The following MYCL variants were observed in gnomAD, a reference collection of about 807,000 sequenced individuals.
MYCL encodes MYCL proto-oncogene, bHLH transcription factor, also known as protein L-Myc.
In MYCL, 11 loss-of-function variants were observed where a neutral mutation model predicts 31.0. That is an observed-to-expected ratio of 0.35 (90% CI 0.22 to 0.59). The LOEUF (loss-of-function observed/expected upper bound fraction) is 0.59. MYCL is among the 20% of genes least tolerant of loss of function. The probability of loss-of-function intolerance (pLI) is 0.79; values close to 1 mark genes in which losing one functional copy is unlikely to be tolerated. For missense variants in MYCL, 427 were observed against 486.1 expected (o/e 0.88, Z 1.14); for synonymous variants, 208 against 202.4 (o/e 1.03, Z -0.23).
At chr1:39,898,639 G>A (rs1052631183) in intron 1 of MYCL, 8 of 984,958 alleles carry the variant, frequency 8.1e-6, no homozygotes, top group Non-Finnish European at 9.6e-6. Flanking sequence ...TTTATAGGTC[G>A]CCTGCCCCAC....
At chr1:39,898,725 C>G in intron 1 of MYCL, 1 of 985,456 alleles carries the variant, frequency 1.0e-6, no homozygotes, top group Non-Finnish European at 1.2e-6. Context: ...AAGGTACAAG[C>G]GACCATTTCC....
chr1:39,897,295 A>G lies in MYCL; in HGVS notation c.*77T>C. On this transcript the variant is annotated 3_prime_UTR_variant, in exon 2 of 2. Coordinates refer to ENST00000372816, the MANE Select transcript of MYCL (RefSeq NM_001033081.3). The surrounding 1 kb of genome is among the most constrained non-coding windows in gnomAD (Gnocchi z 4.3). Reference sequence around the variant, plus strand: ...TGTCCCACCATAACCAAAATGTGCAAATTACTAAAGGGGAGAGGGAGGTTA... The same window carrying G: ...TGTCCCACCATAACCAAAATGTGCAGATTACTAAAGGGGAGAGGGAGGTTA... 1 of 1,364,914 alleles carries G rather than the reference A, an allele frequency of 7.3e-7. No individual in the cohort carries two copies. Among genetic ancestry groups the G allele is most frequent in the Non-Finnish European group, 1.0e-6 (1 of 1,000,200 alleles). 84.6% of individuals were successfully genotyped at this position (1,364,914 alleles called of 1,614,324 possible).
intron 1 of MYCL, chr1:39,899,199 G>A (rs1335065341): frequency 1.4e-5 from 7 of 502,304 alleles, no homozygotes; most frequent in Non-Finnish European, 1.5e-5. Context: ...CCCACCCCCC[G>A]CCTCATTGTT....
chr1:39,895,490 G>T lies in MYCL; in HGVS notation c.*1882C>A, dbSNP rs1200611451. 4.4e-6 allele frequency: 1 copy of T among 226,638 alleles called. No individual in the cohort carries two copies. The highest frequency in any genetic ancestry group is 8.8e-6 in the Non-Finnish European group (1 of 113,952). 14.0% of individuals were successfully genotyped at this position (226,638 alleles called of 1,614,324 possible). ...GCAACATTTTAAAATCAGGCAATCA[G>T]TAATCACAACTAAATACAAAATTTC... On this transcript the variant is annotated 3_prime_UTR_variant, in exon 2 of 2. Coordinates refer to ENST00000372816, the MANE Select transcript of MYCL (RefSeq NM_001033081.3).
chr1:39,900,926 G>C lies in MYCL; in HGVS notation c.496+13C>G. 1 of 1,507,388 alleles carries C rather than the reference G, an allele frequency of 6.6e-7. No individual in the cohort carries two copies. The highest frequency in any genetic ancestry group is 8.9e-7 in the Non-Finnish European group (1 of 1,129,522). 93.4% of individuals were successfully genotyped at this position (1,507,388 alleles called of 1,614,324 possible). On this transcript the variant is annotated intron_variant, in intron 1 of 1. Transcript: ENST00000372816. ...GGGTGGCCCCCTCTTGGATGGCTCG[G>C]GGAGGTCCTTACCCGAGTCGCTTGG...
intron 1 of MYCL, 128 bp from the exon 2 acceptor site, chr1:39,898,098 C>G (rs1184653675): frequency 7.4e-7 from 1 of 1,353,502 alleles, no homozygotes; most frequent in Non-Finnish European, 9.7e-7. Flanking sequence ...TAGATATATA[C>G]AAATCGAGGT....
chr1:39,897,327 A>T lies in MYCL; in HGVS notation c.*45T>A, dbSNP rs1214613863. On this transcript the variant is annotated 3_prime_UTR_variant, in exon 2 of 2. Coordinates refer to ENST00000372816, the MANE Select transcript of MYCL (RefSeq NM_001033081.3). This position sits in a 1 kb window ranked among gnomAD's most constrained non-coding sequence, Gnocchi z 4.3. ...AAAGGGGAGAGGGAGGTTAAAAAATAAACTTGTGTCTTCGTAAGACAGAAC... is the reference window on the plus strand; with the variant it reads ...AAAGGGGAGAGGGAGGTTAAAAAATTAACTTGTGTCTTCGTAAGACAGAAC... 1 of 1,514,548 alleles carries T rather than the reference A, an allele frequency of 6.6e-7. No individual in the cohort carries two copies. Among genetic ancestry groups the T allele is most frequent in the African/African-American group, 1.4e-5 (1 of 71,814 alleles). 93.8% of individuals were successfully genotyped at this position (1,514,548 alleles called of 1,614,324 possible).
At position 39,901,683 on chromosome 1, in the gene MYCL, C is replaced by A. The variant is rs1644542127; in HGVS notation, c.-249G>T. Reference sequence around the variant, plus strand: ...GAGTTCAAAGCAAACTTTGCCAGCGCCGCCCGGAGCGCAGCTCCCAGGGCC... The same window carrying A: ...GAGTTCAAAGCAAACTTTGCCAGCGACGCCCGGAGCGCAGCTCCCAGGGCC... On this transcript the variant is annotated 5_prime_UTR_variant, in exon 1 of 2. Transcript: ENST00000372816. The surrounding 1 kb of genome is among the most constrained non-coding windows in gnomAD (Gnocchi z 6.9). The A allele has an allele frequency of 1.6e-6, 2 of 1,268,726 alleles. No homozygotes were observed. The highest frequency in any genetic ancestry group is 3.1e-5 in the African/African-American group (2 of 63,770). The allele number at this position is 1,268,726 out of a possible 1,614,324, so 78.6% of individuals were successfully genotyped here. A position where few individuals can be genotyped will look rare whatever the true frequency, so the allele number is the denominator to read the frequency against.
intron 1 of MYCL, chr1:39,898,911 C>T (rs554878665): frequency 2.0e-6 from 2 of 985,488 alleles, no homozygotes; most frequent in African/African-American, 3.5e-5. Context: ...TCCTGCTCCA[C>T]ACATTTTGCA....
intron 1 of MYCL, chr1:39,900,532 C>G (rs1644525310): frequency 9.7e-6 from 11 of 1,134,436 alleles, no homozygotes; most frequent in Non-Finnish European, 1.2e-5. Context: ...GCACAAAAGG[C>G]TCTCGGCTTC....
chr1:39,900,824 A>T, intron 1 of MYCL, 115 bp downstream of exon 1: 1 of 1,486,588 alleles, frequency 6.7e-7, no homozygotes, highest in Non-Finnish European at 8.9e-7. Flanking sequence ...TCAGCCAAAG[A>T]GAGGCGGAGA....
In MYCL at chr1:39,896,470, A is replaced by G. The variant is rs1644483791; in HGVS notation, c.*902T>C. Reference sequence around the variant, plus strand: ...TGCCTTGAGAAAAGACTGGGCCTCAAGTGCCCCTCGGAAAACACCTGGGCA... The same window carrying G: ...TGCCTTGAGAAAAGACTGGGCCTCAGGTGCCCCTCGGAAAACACCTGGGCA... On this transcript the variant is annotated 3_prime_UTR_variant, in exon 2 of 2. Transcript: ENST00000372816. The G allele has an allele frequency of 4.7e-6, 1 of 214,836 alleles. No individual in the cohort carries two copies. The highest frequency in any genetic ancestry group is 9.4e-6 in the Non-Finnish European group (1 of 106,286). The allele number at this position is 214,836 out of a possible 1,614,324, so 13.3% of individuals were successfully genotyped here.
chr1:39,897,926 G>C lies in MYCL; in HGVS notation c.541C>G (p.Leu181Val). 6.2e-7 allele frequency: 1 copy of C among 1,614,108 alleles called. No individual in the cohort carries two copies. Among genetic ancestry groups the C allele is most frequent in the Non-Finnish European group, 8.5e-7 (1 of 1,180,024 alleles). ...DVVTVEKRQSLGIRKPVTITV... is the reference protein window; with the variant it reads ...DVVTVEKRQSVGIRKPVTITV... ...ATGGTGACCGGCTTCCGAATACCCA[G>C]AGACTGCCTCTTCTCTACTGTCACA... The change falls in exon 2 of 2, where the codon CTG becomes GTG. Residue 181 changes from leucine (L) to valine (V), a missense_variant. By Grantham distance (32) the Leu-to-Val change is conservative (BLOSUM62 1). Transcript: ENST00000372816. The surrounding 1 kb of genome is among the most constrained non-coding windows in gnomAD (Gnocchi z 4.3).
rs547538729 is a variant in MYCL at position 39,896,068 on chromosome 1, A to G, written c.*1304T>C. 6.2e-5 allele frequency: 13 copies of G among 209,706 alleles called. No individual in the cohort carries two copies. The highest frequency in any genetic ancestry group is 2.3e-4 in the African/African-American group (10 of 44,064). The allele number at this position is 209,706 out of a possible 1,614,324, so 13.0% of individuals were successfully genotyped here. ...CTGCTAGGTTGGGTGACTTTCCCAG[A>G]CTAGAAGCTGCACGTGGATTCCACT... On this transcript the variant is annotated 3_prime_UTR_variant, in exon 2 of 2. Coordinates refer to ENST00000372816, the MANE Select transcript of MYCL (RefSeq NM_001033081.3).
intron 1 of MYCL, chr1:39,900,556 G>T (rs958823604): frequency 1.1e-5 from 13 of 1,183,682 alleles, no homozygotes; most frequent in Non-Finnish European, 1.1e-5. Flanking sequence ...TCCCCCTAGG[G>T]GAGTGTGAGT....
chr1:39,900,996 G>A lies in MYCL; in HGVS notation c.439C>T (p.Pro147Ser), dbSNP rs778931023. The change falls in exon 1 of 2, where the codon CCG becomes TCG. Residue 147 changes from proline to serine, a missense_variant. Transcript: ENST00000372816. ...AGNPAPAAPCPLGEPKTQACS... is the reference protein window; with the variant it reads ...AGNPAPAAPCSLGEPKTQACS... ...GCCTGGGTCTTGGGTTCGCCCAGCG[G>A]ACAGGGGGCGGCGGGCGCCGGGTTG... 1 of 1,487,656 alleles carries A rather than the reference G, an allele frequency of 6.7e-7. No individual in the cohort carries two copies. The highest frequency in any genetic ancestry group is 8.9e-7 in the Non-Finnish European group (1 of 1,120,050). The allele number at this position is 1,487,656 out of a possible 1,614,324, so 92.2% of individuals were successfully genotyped here.
chr1:39,901,167 T>C lies in MYCL; in HGVS notation c.268A>G (p.Ile90Val), dbSNP rs1557607794. ...CCGCTCCACATGCAGTCACGGCGTATGATGGAGGCGTAGTTCCTGCCCCAG... is the reference window on the plus strand; with the variant it reads ...CCGCTCCACATGCAGTCACGGCGTACGATGGAGGCGTAGTTCCTGCCCCAG... Reference protein sequence around the residue: ...KGWGRNYASIIRRDCMWSGFS... With the variant: ...KGWGRNYASIVRRDCMWSGFS... The change falls in exon 1 of 2, where the codon ATA becomes GTA. Residue 90 changes from isoleucine to valine, a missense_variant. Coordinates refer to ENST00000372816, the MANE Select transcript of MYCL (RefSeq NM_001033081.3). This position sits in a 1 kb window ranked among gnomAD's most constrained non-coding sequence, Gnocchi z 6.9. 2 of 1,613,018 alleles carry C rather than the reference T, an allele frequency of 1.2e-6. No homozygotes were observed. Among genetic ancestry groups the C allele is most frequent in the Non-Finnish European group, 1.7e-6 (2 of 1,179,662 alleles).
In MYCL at chr1:39,901,214, T is replaced by G. The variant is rs1242382408; in HGVS notation, c.221A>C (p.Glu74Ala). Residue 74 changes from glutamate (E) to alanine (A), a missense_variant, in exon 1 of 2, where the codon GAA becomes GCA. By Grantham distance (107) the Glu-to-Ala change is moderately radical (BLOSUM62 -1). Coordinates refer to ENST00000372816, the MANE Select transcript of MYCL (RefSeq NM_001033081.3). This position sits in a 1 kb window ranked among gnomAD's most constrained non-coding sequence, Gnocchi z 6.9. ...CCAGCCTTTCGAGTGGCCCCGGGATTCCGCTTCGTCTCCGGTGCACCCTCC... is the reference window on the plus strand; with the variant it reads ...CCAGCCTTTCGAGTGGCCCCGGGATGCCGCTTCGTCTCCGGTGCACCCTCC... ...WPGGCTGDEA[E>A]SRGHSKGWGR... is the part of the protein sequence containing the mutation. 6.2e-7 allele frequency: 1 copy of G among 1,612,524 alleles called. No homozygotes were observed. The highest frequency in any genetic ancestry group is 2.2e-5 in the East Asian group (1 of 44,808).
rs963375863 is a variant in MYCL, at chr1:39,897,167, T to C, written c.*205A>G. 3.3e-6 allele frequency: 2 copies of C among 611,418 alleles called. No homozygotes were observed. The highest frequency in any genetic ancestry group is 3.6e-5 in the African/African-American group (2 of 54,912). 37.9% of individuals were successfully genotyped at this position (611,418 alleles called of 1,614,324 possible). A position where few individuals can be genotyped will look rare whatever the true frequency, so the allele number is the denominator to read the frequency against. ...CGCCAGAGAACATACAGCACTCCCA[T>C]GAGTCAGGGAAGAGGGAGAGCTGGG... On this transcript the variant is annotated 3_prime_UTR_variant, in exon 2 of 2. Transcript: ENST00000372816. The surrounding 1 kb of genome is among the most constrained non-coding windows in gnomAD (Gnocchi z 4.3).
Sources: gnomAD v4.1 joint callset for allele counts on GRCh38, gnomAD v4.1.1 for gene constraint, Gnocchi (gnomAD v3.1) non-coding constraint, MANE v1.5 for transcripts, NCBI Gene and HGNC (gene_info 2026-07-23, HGNC 2026-07-21) for gene names.